Variants in SCN7A observed in about 807,000 individuals in gnomAD.
SCN7A encodes the protein sodium channel protein type 7 subunit alpha.
SCN7A carries 138 observed loss-of-function variants against 155.2 expected under a neutral mutation model. The ratio of observed to expected loss-of-function variants is 0.89; its 90% CI spans 0.77 to 1.02. SCN7A has a LOEUF of 1.02. SCN7A is among the 50% of genes least tolerant of loss of function. The probability of loss-of-function intolerance (pLI) is 0.00; values close to 1 mark genes in which losing one functional copy is unlikely to be tolerated. For synonymous variants in SCN7A, 693 were observed against 649.0 expected, an observed-to-expected ratio of 1.07 and a Z score of -1.03; for missense variants, 2,058 against 1,986.6, an observed-to-expected ratio of 1.04 and a Z score of -0.68.
At chr2:166,410,467 A>C (rs1274343463) in intron 23 of SCN7A, 143 bp from the exon 24 acceptor site, 16 of 592,324 alleles carry the variant, frequency 2.7e-5, no homozygotes, top group Non-Finnish European at 4.6e-5. Context: ...ATCATGTTTG[A>C]ACATGTCTGA....
intron 23 of SCN7A, 91 bp from the exon 24 acceptor site, chr2:166,410,415 G>A (rs1373431341): frequency 2.5e-6 from 2 of 795,578 alleles, no homozygotes; most frequent in Non-Finnish European, 3.8e-6. Flanking sequence ...GGCAATTATT[G>A]ATTTAATCTT....
intron 21 of SCN7A, 92 bp from the exon 22 acceptor site, chr2:166,413,213 T>C: frequency 2.9e-6 from 2 of 690,330 alleles, no homozygotes; most frequent in South Asian, 4.0e-5. Context: ...ATATTTGACA[T>C]AGGCTTGCCA....
At chr2:166,411,301 C>T (rs13432003) in intron 23 of SCN7A, among the ~76,000 whole-genome samples, 5 of 151,874 alleles carry the variant, frequency 3.3e-5, no homozygotes, top group South Asian at 4.2e-4. Context: ...CTGTGGAGAC[C>T]GGGATGTGAA....
Position 166,429,251 on chromosome 2 carries a change from A to G in SCN7A, c.2616T>C (p.Ser872=). The change falls in exon 17 of 26, where the codon TCT becomes TCC. Residue 872 remains serine (S), a synonymous_variant. Coordinates refer to ENST00000643258, the MANE Select transcript of SCN7A (RefSeq NM_002976.4). Reference sequence around the variant, plus strand: ...TAGCAATATCAACAGTACTGCATTCAGATGAGCTAGATTGCTTTATTTTCT... The same window carrying G: ...TAGCAATATCAACAGTACTGCATTCGGATGAGCTAGATTGCTTTATTTTCT... ...SKEKIKQSSS[S]ECSTVDIAIS... 6.5e-7 allele frequency: 1 copy of G among 1,535,438 alleles called. No individual in the cohort carries two copies. The highest frequency in any genetic ancestry group is 8.8e-7 in the Non-Finnish European group (1 of 1,139,410).
At chr2:166,415,189 C>A (rs1360066944) in intron 21 of SCN7A, among the ~76,000 whole-genome samples, 1 of 148,760 alleles carries the variant, frequency 6.7e-6, no homozygotes, top group Non-Finnish European at 1.5e-5. Flanking sequence ...CTTCCTTCAT[C>A]CAATGGGGCA....
intron 25 of SCN7A, among the ~76,000 whole-genome samples, chr2:166,407,958 G>A (rs534921819): frequency 1.3e-5 from 2 of 151,964 alleles, no homozygotes; most frequent in East Asian, 3.9e-4. Context: ...ACTTATAAGT[G>A]AGAATATGTG....
intron 20 of SCN7A, among the ~76,000 whole-genome samples, chr2:166,418,847 A>G (rs1701447481): frequency 1.3e-5 from 2 of 152,190 alleles, no homozygotes; most frequent in Admixed American, 1.3e-4. Context: ...ATAAATCATT[A>G]ATTTTGTAAG....
At chr2:166,447,531 A>C in intron 12 of SCN7A, 81 bp downstream of exon 12, 1 of 871,606 alleles carries the variant, frequency 1.1e-6, no homozygotes. Context: ...TAAGATTCTG[A>C]AGAAATTGCT....
chr2:166,410,954 C>T (rs1332634257), intron 23 of SCN7A, among the ~76,000 whole-genome samples: 1 of 151,870 alleles, frequency 6.6e-6, no homozygotes, highest in Non-Finnish European at 1.5e-5. Flanking sequence ...AAATCAGGAC[C>T]TGGTCACTTA....
intron 1 of SCN7A, among the ~76,000 whole-genome samples, chr2:166,488,645 T>A (rs1352810079): frequency 6.6e-6 from 1 of 151,442 alleles, no homozygotes; most frequent in Admixed American, 6.6e-5. Flanking sequence ...TTTTTTTTTT[T>A]ATTTTTTTTT....
chr2:166,451,140 G>C (rs952723594), intron 11 of SCN7A, among the ~76,000 whole-genome samples: 1 of 152,166 alleles, frequency 6.6e-6, no homozygotes, highest in African/African-American at 2.4e-5. Context: ...AAAGATAACT[G>C]TCCAGGGTTG....
chr2:166,451,754 A>G (rs1378942422), intron 11 of SCN7A, among the ~76,000 whole-genome samples: 4 of 152,146 alleles, frequency 2.6e-5, no homozygotes, highest in Admixed American at 2.0e-4. Flanking sequence ...AATCCTTTAC[A>G]AAAGGCCCTC....
chr2:166,454,343 A>G (rs1387694517), intron 11 of SCN7A, among the ~76,000 whole-genome samples: 1 of 152,162 alleles, frequency 6.6e-6, no homozygotes, highest in East Asian at 1.9e-4. Context: ...TTTTTTATAC[A>G]TGTTTTCTTC....
At position 166,416,968 on chromosome 2, in the gene SCN7A, C is replaced by A; in HGVS notation, c.3153G>T (p.Leu1051Phe). 1 of 1,599,956 alleles carries A rather than the reference C, an allele frequency of 6.3e-7. No homozygotes were observed. The highest frequency in any genetic ancestry group is 1.1e-5 in the South Asian group (1 of 88,660). ...TCAAAGTGGGTAAGGTTGTTTTGAT[C>A]AAAGCTCTCACAACCACCTGGTATA... ...FERMKVVVRA[L>F]IKTTLPTLNV... Residue 1051 changes from leucine (L) to phenylalanine (F), a missense_variant, in exon 21 of 26, where the codon TTG becomes TTT. Coordinates refer to ENST00000643258, the MANE Select transcript of SCN7A (RefSeq NM_002976.4).
chr2:166,483,301 T>C (rs1338791940), intron 2 of SCN7A, among the ~76,000 whole-genome samples: 1 of 152,104 alleles, frequency 6.6e-6, no homozygotes, highest in Non-Finnish European at 1.5e-5. Flanking sequence ...GCTTACCAAG[T>C]ACCATTTTTG....
At chr2:166,418,351 TG>T (rs1701436908) in intron 20 of SCN7A, among the ~76,000 whole-genome samples, 1 of 147,602 alleles carries the variant, frequency 6.8e-6, no homozygotes, top group Non-Finnish European at 1.5e-5. Context: ...AGGTTGGTCT[TG>T]AACTCCTGAC....
intron 25 of SCN7A, among the ~76,000 whole-genome samples, chr2:166,407,060 A>G (rs912520012): frequency 1.3e-5 from 2 of 152,076 alleles, no homozygotes; most frequent in Non-Finnish European, 2.9e-5. Context: ...GATGAATGAC[A>G]TGATTTCTGT....
chr2:166,486,035 G>A (rs986456521), intron 2 of SCN7A, among the ~76,000 whole-genome samples: 1 of 152,114 alleles, frequency 6.6e-6, no homozygotes, highest in African/African-American at 2.4e-5. Context: ...ATTATAACTT[G>A]CCCTTCATCC....
Position 166,432,761 on chromosome 2 carries a change from G to A in SCN7A, c.2158-9C>T, listed in dbSNP as rs1356427590. 1.3e-6 allele frequency: 2 copies of A among 1,504,514 alleles called. No homozygotes were observed. The highest frequency in any genetic ancestry group is 1.4e-5 in the African/African-American group (1 of 71,580). 93.2% of individuals were successfully genotyped at this position (1,504,514 alleles called of 1,614,324 possible). ...AGAAACAGGTAAAGTACCTAAATAA[G>A]GAAGTAAAATGAGGCTAAATGTATC... On this transcript the variant is annotated splice_polypyrimidine_tract_variant and intron_variant, in intron 15 of 25. Coordinates refer to ENST00000643258, the MANE Select transcript of SCN7A (RefSeq NM_002976.4).
Sources: allele counts gnomAD v4.1 joint callset (sites outside exome capture counted in the v4.1 genomes callset), GRCh38; gene constraint gnomAD v4.1.1; transcripts MANE v1.5; gene names NCBI Gene and HGNC (gene_info 2026-07-23, HGNC 2026-07-21).